Variants in ATP10A observed in about 807,000 individuals in gnomAD.
ATP10A encodes the protein ATPase phospholipid transporting 10A (putative).
A neutral mutation model predicts 147.8 loss-of-function variants in ATP10A; 111 were observed. The observed-to-expected ratio is 0.75, with a 90% CI of 0.64 to 0.88. The LOEUF (loss-of-function observed/expected upper bound fraction) is 0.88, where lower values mean the gene tolerates loss of function less well. Ranked by LOEUF, ATP10A falls within the 40% of genes least tolerant of loss-of-function variation. ATP10A has a pLI of 0.00. For synonymous variants in ATP10A, 875 were observed against 841.6 expected (o/e 1.04, Z -0.69); for missense variants, 1,927 against 1,959.0 (o/e 0.98, Z 0.31).
intron 7 of ATP10A, among the ~76,000 whole-genome samples, chr15:25,720,166 A>C (rs1047613501): frequency 2.6e-5 from 4 of 152,166 alleles, no homozygotes; most frequent in African/African-American, 9.7e-5. Context: ...TATCTTTTAA[A>C]TGTATTATTA....
At chr15:25,821,873 C>G (rs1484800808) in intron 1 of ATP10A, among the ~76,000 whole-genome samples, 1 of 152,182 alleles carries the variant, frequency 6.6e-6, no homozygotes, top group African/African-American at 2.4e-5. Context: ...TTCCACATTA[C>G]TCTAGGGTCC....
At chr15:25,744,064 T>C (rs1887708858) in intron 2 of ATP10A, among the ~76,000 whole-genome samples, 2 of 152,124 alleles carry the variant, frequency 1.3e-5, no homozygotes, top group Non-Finnish European at 2.9e-5. Context: ...GATAAACACC[T>C]ATGCTTTCTA....
At chr15:25,812,457 A>G (rs1891474489) in intron 1 of ATP10A, among the ~76,000 whole-genome samples, 1 of 152,220 alleles carries the variant, frequency 6.6e-6, no homozygotes, top group Non-Finnish European at 1.5e-5. Flanking sequence ...ATTCAAAGCG[A>G]GGGAAAATAA....
At chr15:25,824,148 G>GA (rs11431365) in intron 1 of ATP10A, among the ~76,000 whole-genome samples, 145,021 of 152,080 alleles carry the variant, frequency 0.95, 69,548 homozygotes, top group East Asian at 1. Flanking sequence ...CTATTAAAGA[G>GA]AAAAAAAATA....
intron 1 of ATP10A, among the ~76,000 whole-genome samples, chr15:25,854,431 A>G (rs7178877): frequency 0.99 from 151,215 of 152,294 alleles, 75,074 homozygotes; most frequent in East Asian, 1. Context: ...GAGAAGGAAT[A>G]GGGGGAAAGA....
At chr15:25,698,601 C>T (rs1171704041) in intron 13 of ATP10A, among the ~76,000 whole-genome samples, 1 of 152,092 alleles carries the variant, frequency 6.6e-6, no homozygotes, top group African/African-American at 2.4e-5. Context: ...TTTTTGACTA[C>T]ATGGAGGGAT....
At chr15:25,847,609 CTTTTTTTTTTTTTTTTTTTTTT>C (rs34212354) in intron 1 of ATP10A, among the ~76,000 whole-genome samples, 42 of 40,736 alleles carry the variant, frequency 1.0e-3, no homozygotes, top group African/African-American at 2.5e-3. Context: ...CAGCTACAGC[CTTTTTTTTTTTTTTTTTTTTTT>C]TTTTTTTTTT....
At chr15:25,830,478 C>G (rs1892308349) in intron 1 of ATP10A, among the ~76,000 whole-genome samples, 1 of 152,190 alleles carries the variant, frequency 6.6e-6, no homozygotes, top group South Asian at 2.1e-4. Flanking sequence ...CTGACTTGGG[C>G]TTCTTTACAC....
chr15:25,694,965 T>C lies in ATP10A; in HGVS notation c.2942A>G (p.Tyr981Cys). ...GTCCTCCAGGTTTTTCTCGAGAGCG[T>C]AGGCCAGGCTTCTCCCATCGATCAC... ...SLVIDGRSLA[Y>C]ALEKNLEDKF... Residue 981 changes from tyrosine (Y) to cysteine (C), a missense_variant, in exon 14 of 21, where the codon TAC (tyrosine) becomes TGC (cysteine). Tyr to Cys is a radical substitution (Grantham distance 194). Coordinates refer to ENST00000555815, the MANE Select transcript of ATP10A (RefSeq NM_024490.4). 6.2e-7 allele frequency: 1 copy of C among 1,614,188 alleles called. No individual in the cohort carries two copies. The highest frequency in any genetic ancestry group is 8.5e-7 in the Non-Finnish European group (1 of 1,180,030).
chr15:25,690,983 CA>C (rs1226760627), intron 15 of ATP10A, among the ~76,000 whole-genome samples: 1 of 152,128 alleles, frequency 6.6e-6, no homozygotes, highest in African/African-American at 2.4e-5. Context: ...GAGCTCTGCA[CA>C]GGCCTGACAT....
At chr15:25,786,286 C>T (rs1434129921) in intron 1 of ATP10A, among the ~76,000 whole-genome samples, 4 of 152,304 alleles carry the variant, frequency 2.6e-5, no homozygotes, top group East Asian at 1.9e-4. Context: ...CTCCACACCT[C>T]GGCCTTCACC....
intron 13 of ATP10A, among the ~76,000 whole-genome samples, chr15:25,700,645 C>T (rs1213154743): frequency 1.3e-5 from 2 of 152,092 alleles, no homozygotes; most frequent in Non-Finnish European, 2.9e-5. Flanking sequence ...TTCTGGAGAA[C>T]AGATTGGTGG....
chr15:25,804,431 G>C (rs760377042), intron 1 of ATP10A, among the ~76,000 whole-genome samples: 1 of 132,650 alleles, frequency 7.5e-6, no homozygotes. Flanking sequence ...GCGTGTGTAT[G>C]TGTGGTGTGT....
At chr15:25,726,784 A>G (rs527815529) in intron 4 of ATP10A, among the ~76,000 whole-genome samples, 84 of 149,044 alleles carry the variant, frequency 5.6e-4, no homozygotes, top group South Asian at 1.8e-3. Flanking sequence ...GGGCACGGTG[A>G]CTCATGCCTG....
chr15:25,820,980 A>G (rs1049501216), intron 1 of ATP10A, among the ~76,000 whole-genome samples: 1 of 152,242 alleles, frequency 6.6e-6, no homozygotes, highest in African/African-American at 2.4e-5. Flanking sequence ...AAGTAATGAT[A>G]AAGTGGGAAA....
At chr15:25,788,451 G>A (rs1004204870) in intron 1 of ATP10A, among the ~76,000 whole-genome samples, 1 of 152,168 alleles carries the variant, frequency 6.6e-6, no homozygotes, top group Non-Finnish European at 1.5e-5. Flanking sequence ...CTCTGCTCCC[G>A]TCCCACCCGC....
intron 1 of ATP10A, among the ~76,000 whole-genome samples, chr15:25,811,758 G>A (rs971166547): frequency 5.3e-5 from 8 of 152,198 alleles, no homozygotes; most frequent in South Asian, 4.1e-4. Flanking sequence ...CAGTGGCAAG[G>A]AGACCAAGGT....
At chr15:25,750,589 A>G (rs986777234) in intron 2 of ATP10A, among the ~76,000 whole-genome samples, 2 of 152,100 alleles carry the variant, frequency 1.3e-5, no homozygotes, top group Admixed American at 1.3e-4. Flanking sequence ...GCTCTAGGTG[A>G]TTTTAGTGCT....
At chr15:25,700,601 G>C (rs1054175967) in intron 13 of ATP10A, among the ~76,000 whole-genome samples, 1 of 152,156 alleles carries the variant, frequency 6.6e-6, no homozygotes, top group African/African-American at 2.4e-5. Flanking sequence ...GGAGTATTCT[G>C]TTTACTTGAC....
Sources: gnomAD v4.1 joint callset for allele counts (sites outside exome capture counted in the v4.1 genomes callset) on GRCh38, gnomAD v4.1.1 for gene constraint, MANE v1.5 for transcripts, NCBI Gene and HGNC (gene_info 2026-07-23, HGNC 2026-07-21) for gene names.